ARK2N: variants seen among roughly 807,000 people sequenced by gnomAD.
ARK2N encodes protein ARK2N.
At chr18:46,259,049 T>A in the ARK2N span, among the ~76,000 whole-genome samples, 1,012 of 152,320 alleles carry the variant, frequency 6.6e-3, 8 homozygotes, top group African/African-American at 0.023. Flanking sequence ...AGCCTTGTTC[T>A]GTCCTCATCC....
chr18:46,245,532 C>T, the ARK2N span, among the ~76,000 whole-genome samples: 1 of 149,948 alleles, frequency 6.7e-6, no homozygotes, highest in Non-Finnish European at 1.5e-5. Context: ...GATTGCACCA[C>T]CTCTCTCCAG....
the ARK2N span, among the ~76,000 whole-genome samples, chr18:46,208,555 T>C: frequency 2.0e-5 from 3 of 147,582 alleles, no homozygotes; most frequent in Non-Finnish European, 4.5e-5. Flanking sequence ...CTGCAGCCTC[T>C]GCCTCCCAGG....
the ARK2N span, among the ~76,000 whole-genome samples, chr18:46,221,555 T>TTAA: frequency 7.5e-6 from 1 of 133,154 alleles, no homozygotes; most frequent in African/African-American, 2.8e-5. Context: ...AAGACTCCAT[T>TTAA]AAAAAAAAAA....
chr18:46,173,809 G>A, the ARK2N span: 1 of 152,498 alleles, frequency 6.6e-6, no homozygotes, highest in East Asian at 1.9e-4. Flanking sequence ...CCCCGGGAAA[G>A]ACATTTCGGG....
the ARK2N span, chr18:46,265,450 T>C: frequency 6.6e-6 from 1 of 152,284 alleles, no homozygotes; most frequent in Non-Finnish European, 1.5e-5. Flanking sequence ...AGGAACAGAG[T>C]GGAGCTGTAA....
the ARK2N span, among the ~76,000 whole-genome samples, chr18:46,245,132 A>G: frequency 6.6e-6 from 1 of 151,920 alleles, no homozygotes; most frequent in Admixed American, 6.6e-5. Context: ...GGGTTTCACC[A>G]TGATGGCCAG....
the ARK2N span, chr18:46,215,705 G>A: frequency 3.3e-5 from 18 of 549,876 alleles, no homozygotes; most frequent in Non-Finnish European, 5.8e-5. Context: ...TATTTTAAAG[G>A]CCTGTGTAAT....
the ARK2N span, among the ~76,000 whole-genome samples, chr18:46,225,687 C>G: frequency 6.6e-6 from 1 of 152,162 alleles, no homozygotes; most frequent in African/African-American, 2.4e-5. Flanking sequence ...GTCTCGAACT[C>G]CTGACCTCGT....
At chr18:46,210,344 T>G in the ARK2N span, among the ~76,000 whole-genome samples, 5 of 152,170 alleles carry the variant, frequency 3.3e-5, no homozygotes, top group African/African-American at 7.2e-5. Flanking sequence ...GAAGAAGGCA[T>G]TGTCAAAGAT....
the ARK2N span, among the ~76,000 whole-genome samples, chr18:46,184,920 T>C: frequency 5.9e-5 from 9 of 152,328 alleles, no homozygotes; most frequent in East Asian, 1.7e-3. Context: ...TATTTGCGTA[T>C]ACACACACAA....
At chr18:46,235,830 C>T in the ARK2N span, among the ~76,000 whole-genome samples, 1 of 152,146 alleles carries the variant, frequency 6.6e-6, no homozygotes, top group Non-Finnish European at 1.5e-5. Flanking sequence ...ATGGGATAAA[C>T]AGTAAAGGAA....
At chr18:46,220,568 T>TA in the ARK2N span, among the ~76,000 whole-genome samples, 1 of 152,234 alleles carries the variant, frequency 6.6e-6, no homozygotes, top group East Asian at 1.9e-4. Flanking sequence ...TGTTAACATT[T>TA]GAATATGTTG....
chr18:46,189,001 G>C, the ARK2N span, among the ~76,000 whole-genome samples: 4 of 152,242 alleles, frequency 2.6e-5, no homozygotes, highest in East Asian at 5.8e-4. Context: ...GATCACCTGA[G>C]GTCAGGAGTT....
the ARK2N span, among the ~76,000 whole-genome samples, chr18:46,177,615 A>G: frequency 1.3e-5 from 2 of 151,500 alleles, no homozygotes; most frequent in Non-Finnish European, 2.9e-5. Context: ...TTTAGTAGAG[A>G]TGTGGTTTCA....
At chr18:46,204,482 A>G in the ARK2N span, among the ~76,000 whole-genome samples, 1 of 152,164 alleles carries the variant, frequency 6.6e-6, no homozygotes, top group Non-Finnish European at 1.5e-5. Flanking sequence ...TTTTGGTCTA[A>G]GTAGAAAGCA....
At chr18:46,228,396 C>G in the ARK2N span, among the ~76,000 whole-genome samples, 2 of 152,056 alleles carry the variant, frequency 1.3e-5, no homozygotes, top group African/African-American at 4.8e-5. Flanking sequence ...ATTAAGCATG[C>G]TTTGAAATGC....
chr18:46,209,455 G>T, the ARK2N span, among the ~76,000 whole-genome samples: 1 of 151,976 alleles, frequency 6.6e-6, no homozygotes, highest in Non-Finnish European at 1.5e-5. Flanking sequence ...CCTGTCTCCT[G>T]TTTGAGCACT....
At chr18:46,190,832 C>T in the ARK2N span, among the ~76,000 whole-genome samples, 1 of 152,128 alleles carries the variant, frequency 6.6e-6, no homozygotes, top group African/African-American at 2.4e-5. Flanking sequence ...GTATGTAGAC[C>T]CATTAACTGC....
the ARK2N span, among the ~76,000 whole-genome samples, chr18:46,194,563 C>A: frequency 6.6e-6 from 1 of 151,472 alleles, no homozygotes; most frequent in East Asian, 1.9e-4. Context: ...GCCTCCGCCT[C>A]CTGGGTTCAA....
Sources: allele counts gnomAD v4.1 joint callset (sites outside exome capture counted in the v4.1 genomes callset), GRCh38; gene constraint gnomAD v4.1.1; transcripts MANE v1.5; gene names NCBI Gene and HGNC (gene_info 2026-07-23, HGNC 2026-07-21).